FNIP1: variants seen among roughly 807,000 people sequenced by gnomAD.
FNIP1 encodes folliculin-interacting protein 1.
In FNIP1, 40 loss-of-function variants were observed where a neutral mutation model predicts 124.5. That is an observed-to-expected ratio of 0.32 (90% CI 0.25 to 0.42). The LOEUF (loss-of-function observed/expected upper bound fraction) is 0.42, where lower values mean the gene tolerates loss of function less well. FNIP1 is among the 10% of genes least tolerant of loss of function. The pLI, the probability that FNIP1 is intolerant of heterozygous loss-of-function variation, is 1.00. For missense variants in FNIP1, 1,176 were observed against 1,403.7 expected (o/e 0.84, Z 2.59); for synonymous variants, 472 against 470.6 (o/e 1.00, Z -0.04).
At chr5:131,758,523 T>C (rs1302555968) in intron 1 of FNIP1, among the ~76,000 whole-genome samples, 2 of 152,224 alleles carry the variant, frequency 1.3e-5, no homozygotes, top group Non-Finnish European at 2.9e-5. Flanking sequence ...CAAATTTATA[T>C]GCTACAGAAA....
intron 6 of FNIP1, among the ~76,000 whole-genome samples, chr5:131,715,539 C>A (rs867184312): frequency 6.6e-6 from 1 of 152,102 alleles, no homozygotes; most frequent in African/African-American, 2.4e-5. Context: ...TTTCAACAAG[C>A]CCCTTGAGCT....
chr5:131,796,799 G>C, intron 1 of FNIP1, 31 bp downstream of exon 1: 1 of 1,550,390 alleles, frequency 6.4e-7, no homozygotes, highest in South Asian at 1.2e-5. Flanking sequence ...AAGGCCATCG[G>C]CTCCGCGACC....
intron 1 of FNIP1, among the ~76,000 whole-genome samples, chr5:131,747,177 T>C: frequency 6.6e-6 from 1 of 152,202 alleles, no homozygotes; most frequent in Admixed American, 6.5e-5. Context: ...TATTAGACTT[T>C]TGTCAAATGT....
intron 1 of FNIP1, among the ~76,000 whole-genome samples, chr5:131,792,188 T>G (rs1392911455): frequency 2.0e-5 from 3 of 151,356 alleles, no homozygotes; most frequent in Non-Finnish European, 4.4e-5. Flanking sequence ...GAGACGGAGT[T>G]TCACTCTTGT....
chr5:131,721,595 A>G (rs1769664125), intron 3 of FNIP1, among the ~76,000 whole-genome samples: 1 of 152,130 alleles, frequency 6.6e-6, no homozygotes. Flanking sequence ...TCAGGAGTTC[A>G]AGACCAGCCT....
At chr5:131,664,070 A>G (rs1245630273) in intron 15 of FNIP1, among the ~76,000 whole-genome samples, 1 of 152,160 alleles carries the variant, frequency 6.6e-6, no homozygotes, top group Non-Finnish European at 1.5e-5. Flanking sequence ...TCATAAAGGA[A>G]GTTCTGTAGG....
At chr5:131,686,613 AATCAT>A (rs1768280544) in intron 11 of FNIP1, among the ~76,000 whole-genome samples, 1 of 152,230 alleles carries the variant, frequency 6.6e-6, no homozygotes, top group South Asian at 2.1e-4. Context: ...AATGTGTAAT[AATCAT>A]ATCAGGATAA....
In FNIP1 at chr5:131,728,743, C is replaced by G. The variant is rs568735068; in HGVS notation, c.354+2161G>C. The stretch of plus-strand genomic sequence containing the variant: ...TCCCTTGCTGGCAAGGTGTTGTGAT[C>G]CTTTGGAGGAGGAGAGGCATTCTGG... On this transcript the variant is annotated intron_variant, in intron 3 of 17. Transcript: ENST00000510461. Among the ~76,000 whole-genome samples, 21 of 152,218 alleles carry G rather than the reference C, an allele frequency of 1.4e-4. 1 individual carries two copies. The South Asian group carries it at 4.4e-3, about 32-fold the overall frequency.
chr5:131,788,694 C>CAAAAA (rs10715343), intron 1 of FNIP1, among the ~76,000 whole-genome samples: 20 of 58,016 alleles, frequency 3.4e-4, no homozygotes, highest in East Asian at 1.7e-3. Flanking sequence ...GACTCTGTCT[C>CAAAAA]AAAAAAAAAA....
At chr5:131,719,584 T>C (rs367671293) in intron 3 of FNIP1, among the ~76,000 whole-genome samples, 167 bp from the exon 4 acceptor site, 3 of 152,236 alleles carry the variant, frequency 2.0e-5, no homozygotes, top group African/African-American at 7.2e-5. Context: ...TTAAAATGTT[T>C]TCTTGATGTA....
chr5:131,763,730 T>C (rs1352191653), intron 1 of FNIP1, among the ~76,000 whole-genome samples: 2 of 152,204 alleles, frequency 1.3e-5, no homozygotes, highest in Non-Finnish European at 2.9e-5. Flanking sequence ...AATATTTACA[T>C]GTTTTAAGCT....
At chr5:131,698,546 T>C (rs1397432958) in intron 11 of FNIP1, among the ~76,000 whole-genome samples, 4 of 152,224 alleles carry the variant, frequency 2.6e-5, no homozygotes, top group Admixed American at 6.5e-5. Flanking sequence ...CTTATATCCA[T>C]ATATCCTTGT....
chr5:131,662,445 A>G (rs913114714), intron 15 of FNIP1, among the ~76,000 whole-genome samples: 1 of 152,232 alleles, frequency 6.6e-6, no homozygotes, highest in African/African-American at 2.4e-5. Context: ...GGTTAGTCTT[A>G]GAAAATTCTC....
chr5:131,783,219 T>C (rs1772053760), intron 1 of FNIP1, among the ~76,000 whole-genome samples: 1 of 152,158 alleles, frequency 6.6e-6, no homozygotes, highest in African/African-American at 2.4e-5. Context: ...GTGTATTCTC[T>C]TCAGAAACTG....
At chr5:131,693,868 C>G (rs1431177022) in intron 11 of FNIP1, among the ~76,000 whole-genome samples, 1 of 151,482 alleles carries the variant, frequency 6.6e-6, no homozygotes, top group East Asian at 1.9e-4. Context: ...CAAAAACCGT[C>G]AAAACTCAAC....
At chr5:131,660,907 T>C (rs1002304519) in intron 15 of FNIP1, among the ~76,000 whole-genome samples, 1 of 152,136 alleles carries the variant, frequency 6.6e-6, no homozygotes, top group African/African-American at 2.4e-5. Flanking sequence ...TGCTGACCCA[T>C]GGTGCATGGA....
chr5:131,796,698 C>G, intron 1 of FNIP1, 132 bp downstream of exon 1: 3 of 804,344 alleles, frequency 3.7e-6, no homozygotes, highest in Non-Finnish European at 3.8e-6. Context: ...CCGGCTCCAC[C>G]CCACCGAGGA....
intron 1 of FNIP1, 84 bp downstream of exon 1, chr5:131,796,746 C>A (rs946835650): frequency 3.8e-6 from 5 of 1,306,166 alleles, no homozygotes; most frequent in Non-Finnish European, 5.3e-6. Context: ...CCGCTCGGGT[C>A]GGAACACCGA....
intron 1 of FNIP1, among the ~76,000 whole-genome samples, chr5:131,780,504 T>G (rs1771962669): frequency 6.6e-6 from 1 of 152,312 alleles, no homozygotes; most frequent in Non-Finnish European, 1.5e-5. Flanking sequence ...TTTTACAAAT[T>G]GAAGGTTTTT....
Sources: allele counts gnomAD v4.1 joint callset (sites outside exome capture counted in the v4.1 genomes callset), GRCh38; gene constraint gnomAD v4.1.1; transcripts MANE v1.5; gene names NCBI Gene and HGNC (gene_info 2026-07-23, HGNC 2026-07-21).